KIF24: variants seen among roughly 807,000 people sequenced by gnomAD.
The protein encoded by KIF24 is kinesin family member 24.
A neutral mutation model predicts 118.9 loss-of-function variants in KIF24; 81 were observed. That is an observed-to-expected ratio of 0.68 (90% CI 0.57 to 0.82). The LOEUF is 0.82. KIF24 is among the 40% of genes least tolerant of loss of function. KIF24 has a pLI of 0.00. For synonymous variants in KIF24, 599 were observed against 610.0 expected (o/e 0.98, Z 0.27); for missense variants, 1,560 against 1,661.6 (o/e 0.94, Z 1.06).
intron 1 of KIF24, among the ~76,000 whole-genome samples, chr9:34,312,957 G>A (rs1235072845): frequency 6.6e-6 from 1 of 152,036 alleles, no homozygotes; most frequent in Non-Finnish European, 1.5e-5. Flanking sequence ...CCTCAGCCTC[G>A]CAAAGTGCTG....
chr9:34,257,112 G>T lies in KIF24; in HGVS notation c.2495C>A (p.Ser832Tyr), dbSNP rs760264245. The T allele has an allele frequency of 8.1e-6, 13 of 1,614,020 alleles. No individual in the cohort carries two copies. In the Admixed American group the frequency reaches 2.2e-4, roughly 27 times the overall value. The stretch of plus-strand genomic sequence containing the variant: ...CCTCTGACTAGAGATGTGTGAAAAA[G>T]AATCTTCACTGAAATCACTGTCATC... ...ELDDSDFSED[S>Y]FSHISSQRAT... Residue 832 changes from serine to tyrosine, a missense_variant, in exon 11 of 13, where the codon TCT becomes TAT. Transcript: ENST00000402558.
chr9:34,329,517 C>T (rs1010992612), upstream of KIF24: 1 of 152,254 alleles, frequency 6.6e-6, no homozygotes, highest in African/African-American at 2.4e-5. Flanking sequence ...TATTGATGGG[C>T]CCAAGCGTAA....
chr9:34,318,902 C>G lies in KIF24; in HGVS notation c.-25-7531G>C. ...CTCCAAGATCAATTTCCATGACAAG[C>G]GCAGTGCGCTGCAGTCCATCCACGA... On this transcript the variant is annotated intron_variant, in intron 1 of 12. Coordinates refer to ENST00000402558, the MANE Select transcript of KIF24 (RefSeq NM_194313.4). This position sits in a 1 kb window ranked among gnomAD's most constrained non-coding sequence, Gnocchi z 4.9. 1 of 1,591,008 alleles carries G rather than the reference C, an allele frequency of 6.3e-7. No individual in the cohort carries two copies.
rs1834726014 is a variant in KIF24 at position 34,254,243 on chromosome 9, T to C, written c.*137A>G. On this transcript the variant is annotated 3_prime_UTR_variant, in exon 13 of 13. Transcript: ENST00000402558. ...GGACCTATCTGAAGCCACGTGGGGC[T>C]GGGGTGACGCTAGCATAGGCAGGAC... The C allele has an allele frequency of 2.1e-6, 2 of 960,520 alleles. No homozygotes were observed. Among genetic ancestry groups the C allele is most frequent in the African/African-American group, 1.7e-5 (1 of 59,432 alleles). 59.5% of individuals were successfully genotyped at this position (960,520 alleles called of 1,614,324 possible). A position where few individuals can be genotyped will look rare whatever the true frequency, so the allele number is the denominator to read the frequency against.
chr9:34,319,128 T>C, intron 1 of KIF24: 1 of 1,523,820 alleles, frequency 6.6e-7, no homozygotes, highest in Non-Finnish European at 9.1e-7. Flanking sequence ...CAGACAGGCC[T>C]CTACAACTAC....
rs1350530807 is a variant in KIF24 at position 34,311,161 on chromosome 9, C to A, written c.186G>T (p.Lys62Asn). ...KRLFQLIKII[K>N]IMQEEDKAVS... ...CTGCTTTATCTTCTTCTTGCATAATCTTAATAATTTTGATAAGTTGGAAGA... is the reference window on the plus strand; with the variant it reads ...CTGCTTTATCTTCTTCTTGCATAATATTAATAATTTTGATAAGTTGGAAGA... Residue 62 changes from lysine (K) to asparagine (N), a missense_variant, in exon 2 of 13, where the codon AAG becomes AAT. Coordinates refer to ENST00000402558, the MANE Select transcript of KIF24 (RefSeq NM_194313.4). The A allele has an allele frequency of 6.2e-7, 1 of 1,613,348 alleles. No individual in the cohort carries two copies. The highest frequency in any genetic ancestry group is 8.5e-7 in the Non-Finnish European group (1 of 1,179,552).
Position 34,318,554 on chromosome 9 carries a change from G to C in KIF24, c.-25-7183C>G, listed in dbSNP as rs1837405535. 4.4e-6 allele frequency: 5 copies of C among 1,136,084 alleles called. No homozygotes were observed. The Admixed American group carries it at 7.4e-5, about 17-fold the overall frequency. 70.4% of individuals were successfully genotyped at this position (1,136,084 alleles called of 1,614,324 possible). A position where few individuals can be genotyped will look rare whatever the true frequency, so the allele number is the denominator to read the frequency against. On this transcript the variant is annotated intron_variant, in intron 1 of 12. Transcript: ENST00000402558. The surrounding 1 kb of genome is among the most constrained non-coding windows in gnomAD (Gnocchi z 4.9). Reference sequence around the variant, plus strand: ...GCTGGCCGAACACAGCGCCGGCCTGGCCTTCAGCCTGTACCAGGCCATGGC... The same window carrying C: ...GCTGGCCGAACACAGCGCCGGCCTGCCCTTCAGCCTGTACCAGGCCATGGC...
chr9:34,303,793 G>A (rs1836813571), intron 3 of KIF24, among the ~76,000 whole-genome samples: 1 of 152,136 alleles, frequency 6.6e-6, no homozygotes. Flanking sequence ...AGGTAGCAGT[G>A]AGCCAGGATC....
intron 7 of KIF24, among the ~76,000 whole-genome samples, chr9:34,269,922 C>G (rs573488015): frequency 3.7e-4 from 56 of 151,644 alleles, no homozygotes; most frequent in African/African-American, 1.3e-3. Context: ...GACCCCATCT[C>G]TTAAAAAATT....
At position 34,300,842 on chromosome 9, in the gene KIF24, G is replaced by A. The variant is rs1443781702; in HGVS notation, c.814-3728C>T. Among the ~76,000 whole-genome samples the A allele has an allele frequency of 4.7e-5, 5 of 105,356 alleles. No homozygotes were observed. In the Admixed American group the frequency reaches 5.1e-4, roughly 11 times the overall value. The allele number at this position is 105,356 out of a possible 152,430, so 69.1% of individuals were successfully genotyped here. ...TTATCTATAGATGTGGATATATTCG[G>A]CATTTCTCAAAAAAAAAAAAAAAAA... On this transcript the variant is annotated intron_variant, in intron 3 of 12. Coordinates refer to ENST00000402558, the MANE Select transcript of KIF24 (RefSeq NM_194313.4).
intron 3 of KIF24, among the ~76,000 whole-genome samples, chr9:34,301,998 T>TTC: frequency 2.2e-5 from 1 of 44,586 alleles, no homozygotes. Context: ...TTTTTTTTTC[T>TTC]TTTTTTTTTT....
rs371602024 is a variant in KIF24 at position 34,316,952 on chromosome 9, C to T, written c.-25-5581G>A. On this transcript the variant is annotated intron_variant, in intron 1 of 12. Coordinates refer to ENST00000402558, the MANE Select transcript of KIF24 (RefSeq NM_194313.4). The stretch of plus-strand genomic sequence containing the variant: ...CCGGGCGGCTGAGCACGGTGGCTCA[C>T]GCTTGTAATCCCAGCACTTTGGGAG... Among the ~76,000 whole-genome samples the T allele has an allele frequency of 3.2e-4, 49 of 151,386 alleles. 1 individual carries two copies. The South Asian group carries it at 5.7e-3, about 17-fold the overall frequency.
At chr9:34,305,445 A>G (rs1836876311) in intron 3 of KIF24, among the ~76,000 whole-genome samples, 1 of 152,206 alleles carries the variant, frequency 6.6e-6, no homozygotes, top group African/African-American at 2.4e-5. Flanking sequence ...TTGCCCAAAA[A>G]GATATTGTCC....
At chr9:34,313,749 TTTG>T (rs1837246553) in intron 1 of KIF24, among the ~76,000 whole-genome samples, 2 of 150,354 alleles carry the variant, frequency 1.3e-5, no homozygotes, top group African/African-American at 2.4e-5. Context: ...TTTTTTTTTT[TTTG>T]TTTTTTTTTT....
At chr9:34,307,623 G>A (rs1836974723) in intron 2 of KIF24, among the ~76,000 whole-genome samples, 1 of 152,022 alleles carries the variant, frequency 6.6e-6, no homozygotes, top group Admixed American at 6.6e-5. Flanking sequence ...CATTGAAACT[G>A]GATGACGGGC....
In KIF24 at chr9:34,273,245, C is replaced by T. The variant is rs143564392; in HGVS notation, c.1216-1315G>A. 7.8e-3 allele frequency among the ~76,000 whole-genome samples: 1,186 copies of T among 151,392 alleles called. 18 individuals are homozygous for T. The highest frequency in any genetic ancestry group is 0.027 in the African/African-American group (1,113 of 41,192). Reference sequence around the variant, plus strand: ...CTTGCTATGCTGCCCAGGCTGATCTCGAAGTCCTGGGCTCAAGCAATCCTC... The same window carrying T: ...CTTGCTATGCTGCCCAGGCTGATCTTGAAGTCCTGGGCTCAAGCAATCCTC... On this transcript the variant is annotated intron_variant, in intron 6 of 12. Transcript: ENST00000402558.
intron 1 of KIF24, among the ~76,000 whole-genome samples, chr9:34,325,503 G>A (rs1837646289): frequency 6.6e-6 from 1 of 151,980 alleles, no homozygotes; most frequent in African/African-American, 2.4e-5. Context: ...GACCAGCCTG[G>A]TCAACATGGT....
intron 6 of KIF24, among the ~76,000 whole-genome samples, chr9:34,281,899 A>C (rs1392096003): frequency 6.6e-6 from 1 of 152,220 alleles, no homozygotes; most frequent in Non-Finnish European, 1.5e-5. Flanking sequence ...GCTGCATGTT[A>C]GAATCACCTG....
chr9:34,282,532 T>C (rs1835883645), intron 6 of KIF24: 1 of 152,132 alleles, frequency 6.6e-6, no homozygotes, highest in Non-Finnish European at 1.5e-5. Context: ...GGATGCACCA[T>C]TCCTGGAGGT....
Sources: gnomAD v4.1 joint callset for allele counts (sites outside exome capture counted in the v4.1 genomes callset) on GRCh38, gnomAD v4.1.1 for gene constraint, Gnocchi (gnomAD v3.1) non-coding constraint, MANE v1.5 for transcripts, NCBI Gene and HGNC (gene_info 2026-07-23, HGNC 2026-07-21) for gene names.